The following ABL2 variants were observed in gnomAD, a reference collection of about 807,000 sequenced individuals.
ABL2 encodes tyrosine-protein kinase ABL2.
In ABL2, 49 loss-of-function variants were observed where a neutral mutation model predicts 107.7. The ratio of observed to expected loss-of-function variants is 0.45; its 90% CI spans 0.36 to 0.58. The LOEUF (loss-of-function observed/expected upper bound fraction) is 0.58. Among genes scored for constraint, ABL2 ranks in the 20% least tolerant of loss-of-function variants. The pLI is 0.00. For synonymous variants in ABL2, 549 were observed against 548.6 expected (o/e 1.00, Z -0.01); for missense variants, 1,245 against 1,457.0 (o/e 0.85, Z 2.37).
At position 179,107,985 on chromosome 1, in the gene ABL2, G is replaced by A. The variant is rs1331642401; in HGVS notation, c.3282C>T (p.Asp1094=). The A allele has an allele frequency of 3.7e-6, 6 of 1,614,110 alleles. No individual in the cohort carries two copies. The highest frequency in any genetic ancestry group is 5.1e-6 in the Non-Finnish European group (6 of 1,180,058). ...ISKEALLECA[D]LLSSALTEPV... is the part of the protein sequence containing the mutation. Reference sequence around the variant, plus strand: ...GTTCCGTGAGTGCACTGGACAGTAGGTCAGCACATTCCAGCAGGGCCTCTT... The same window carrying A: ...GTTCCGTGAGTGCACTGGACAGTAGATCAGCACATTCCAGCAGGGCCTCTT... The change falls in exon 12 of 12, where the codon GAC becomes GAT. Residue 1094 remains aspartate, a synonymous_variant. Coordinates refer to ENST00000502732, the MANE Select transcript of ABL2 (RefSeq NM_007314.4).
intron 1 of ABL2, among the ~76,000 whole-genome samples, chr1:179,220,686 AG>A (rs1191156141): frequency 6.6e-6 from 1 of 152,228 alleles, no homozygotes; most frequent in Non-Finnish European, 1.5e-5. Flanking sequence ...AGTATATGGC[AG>A]GATTTTAAGC....
In ABL2 at chr1:179,184,711, T is replaced by G. The variant is rs547266006; in HGVS notation, c.157+44530A>C. ...AGATGACTAATAGAACACTGATGGA[T>G]TCAACCTTCCTTTTTAAAATTTTCT... On this transcript the variant is annotated intron_variant, in intron 1 of 11. Coordinates refer to ENST00000502732, the MANE Select transcript of ABL2 (RefSeq NM_007314.4). 7.2e-5 allele frequency among the ~76,000 whole-genome samples: 11 copies of G among 152,248 alleles called. 1 individual carries two copies. In the South Asian group the frequency reaches 2.3e-3, roughly 32 times the overall value.
intron 1 of ABL2, chr1:179,221,473 C>T (rs1662861577): frequency 1.3e-5 from 2 of 152,344 alleles, no homozygotes; most frequent in African/African-American, 2.4e-5. Flanking sequence ...TGCCTGTAAT[C>T]CCAGCTACTT....
intron 1 of ABL2, chr1:179,142,990 T>C: frequency 6.2e-7 from 1 of 1,614,220 alleles, no homozygotes. Context: ...CAAAGTGAAG[T>C]GTCCTGATCT....
chr1:179,117,638 T>C (rs1654778781), intron 7 of ABL2, 122 bp from the exon 8 acceptor site: 1 of 889,502 alleles, frequency 1.1e-6, no homozygotes, highest in Non-Finnish European at 1.7e-6. Flanking sequence ...TATGGTAGTA[T>C]CTTCTGATAA....
intron 1 of ABL2, among the ~76,000 whole-genome samples, chr1:179,215,401 T>A (rs1053128155): frequency 6.6e-5 from 10 of 152,146 alleles, no homozygotes; most frequent in African/African-American, 2.4e-4. Context: ...AATTATTATT[T>A]TTTTAACCTT....
intron 1 of ABL2, among the ~76,000 whole-genome samples, chr1:179,189,867 C>G (rs996683755): frequency 6.6e-6 from 1 of 151,822 alleles, no homozygotes; most frequent in Non-Finnish European, 1.5e-5. Context: ...GTTGCCCAGA[C>G]TGGAGTGCAA....
chr1:179,112,787 C>T (rs933076579), intron 9 of ABL2, among the ~76,000 whole-genome samples: 4 of 150,662 alleles, frequency 2.7e-5, no homozygotes, highest in Middle Eastern at 3.2e-3. Context: ...CGGAATCTAA[C>T]TCTGTCACCC....
intron 3 of ABL2, among the ~76,000 whole-genome samples, chr1:179,130,936 A>ATTTTTTTTTT (rs11382795): frequency 1.4e-5 from 2 of 142,618 alleles, no homozygotes; most frequent in African/African-American, 2.6e-5. Context: ...TTTCAGGATA[A>ATTTTTTTTTT]TTTTTTTTTT....
In ABL2 at chr1:179,107,208, CT is replaced by C. The variant is rs1653525950; in HGVS notation, c.*509del. 4.3e-6 allele frequency: 1 copy of C among 234,624 alleles called. No individual in the cohort carries two copies. The highest frequency in any genetic ancestry group is 8.4e-6 in the Non-Finnish European group (1 of 119,006). The allele number at this position is 234,624 out of a possible 1,614,324, so 14.5% of individuals were successfully genotyped here. ...CAGTTCTTATTACAGCAGCAATGGC[CT>C]TGTGGAAGCAAGGCTAACAGCTACT... On this transcript the variant is annotated 3_prime_UTR_variant, in exon 12 of 12. Coordinates refer to ENST00000502732, the MANE Select transcript of ABL2 (RefSeq NM_007314.4).
chr1:179,143,048 TCTG>T, intron 1 of ABL2: 1 of 1,613,404 alleles, frequency 6.2e-7, no homozygotes, highest in Non-Finnish European at 8.5e-7. Context: ...GGACCATACC[TCTG>T]CCCAGAAGCA....
At chr1:179,136,866 A>C (rs537203098) in intron 1 of ABL2, among the ~76,000 whole-genome samples, 1 of 148,850 alleles carries the variant, frequency 6.7e-6, no homozygotes. Flanking sequence ...CAGTGAGCCA[A>C]GATCGCCGCT....
chr1:179,211,984 A>C (rs956300771), intron 1 of ABL2, among the ~76,000 whole-genome samples: 5 of 152,134 alleles, frequency 3.3e-5, no homozygotes, highest in African/African-American at 1.2e-4. Flanking sequence ...AAGAAATACC[A>C]GAGACTGCAT....
chr1:179,210,193 G>A (rs1223722317), intron 1 of ABL2, among the ~76,000 whole-genome samples: 2 of 152,078 alleles, frequency 1.3e-5, no homozygotes, highest in East Asian at 3.9e-4. Context: ...TACTTTAAAT[G>A]AGAAAAAAAA....
At chr1:179,174,886 A>C (rs200474092) in intron 1 of ABL2, among the ~76,000 whole-genome samples, 1 of 128,706 alleles carries the variant, frequency 7.8e-6, no homozygotes, top group Non-Finnish European at 1.6e-5. Flanking sequence ...CAGAGCAGAG[A>C]CTCTGTCTCA....
intron 1 of ABL2, among the ~76,000 whole-genome samples, chr1:179,183,393 T>A (rs566429799): frequency 6.6e-6 from 1 of 152,282 alleles, no homozygotes; most frequent in East Asian, 1.9e-4. Context: ...TTAGAAAGTT[T>A]AGATAAATAT....
intron 3 of ABL2, among the ~76,000 whole-genome samples, chr1:179,130,726 T>TTG (rs10643666): frequency 0.18 from 25,427 of 142,658 alleles, 2,143 homozygotes; most frequent in Middle Eastern, 0.2. Flanking sequence ...ATTATTGATT[T>TTG]TGTGTGTGTG....
chr1:179,135,434 G>C (rs1656796397), intron 1 of ABL2, among the ~76,000 whole-genome samples: 1 of 151,352 alleles, frequency 6.6e-6, no homozygotes, highest in East Asian at 2.0e-4. Context: ...CGTCTGAGAA[G>C]TGAGGAGACC....
intron 1 of ABL2, among the ~76,000 whole-genome samples, chr1:179,205,457 CAT>C (rs1557998048): frequency 6.6e-6 from 1 of 152,220 alleles, no homozygotes; most frequent in East Asian, 1.9e-4. Context: ...AAGGAAGTGA[CAT>C]ATATCCCTTC....
Sources: allele counts gnomAD v4.1 joint callset (sites outside exome capture counted in the v4.1 genomes callset), GRCh38; gene constraint gnomAD v4.1.1; transcripts MANE v1.5; gene names NCBI Gene and HGNC (gene_info 2026-07-23, HGNC 2026-07-21).